MFGE8: variants seen among roughly 807,000 people sequenced by gnomAD.
The protein encoded by MFGE8 is milk fat globule EGF and factor V/VIII domain containing, also known as lactadherin.
In MFGE8, 34 loss-of-function variants were observed where a neutral mutation model predicts 42.6. The observed-to-expected ratio is 0.80, with a 90% CI of 0.61 to 1.06. The LOEUF is 1.06. MFGE8 is among the 50% of genes least tolerant of loss of function. MFGE8 has a pLI of 0.00. For missense variants in MFGE8, 510 were observed against 516.9 expected (o/e 0.99, Z 0.13); for synonymous variants, 230 against 214.8 (o/e 1.07, Z -0.62).
At chr15:88,901,892 C>T (rs926275047) in intron 5 of MFGE8, 157 bp from the exon 6 acceptor site, 14 of 722,478 alleles carry the variant, frequency 1.9e-5, no homozygotes, top group Non-Finnish European at 3.4e-5. Flanking sequence ...GCAGGGCCAA[C>T]TGTGCGACCT....
In MFGE8 at chr15:88,905,802, T is replaced by C. The variant is rs747677172; in HGVS notation, c.640A>G (p.Thr214Ala). 15 of 1,614,194 alleles carry C rather than the reference T, an allele frequency of 9.3e-6. No individual in the cohort carries two copies. The highest frequency in any genetic ancestry group is 1.7e-5 in the Admixed American group (1 of 60,032). The change falls in exon 5 of 8, where the codon ACG becomes GCG. Residue 214 changes from threonine to alanine, a missense_variant. Transcript: ENST00000268150. The surrounding 1 kb of genome is among the most constrained non-coding windows in gnomAD (Gnocchi z 6.6). The part of the protein sequence containing the change: ...YVRLYPTSCH[T>A]ACTLRFELLG... ...AGCTCAAAGCGCAGAGTGCAGGCCG[T>C]GTGGCAGCTCGTGGGGTACAATCTC... is the stretch of plus-strand genomic sequence containing the variant.
rs1898503578 is a variant in MFGE8 at position 88,903,005 on chromosome 15, T to TG, written c.686-1271_686-1270insC. ...GTGTGTTGACAATGCCTGCTGATGG[T>TG]ACCATCATCTCCTGATGGTGATGCA... is the stretch of plus-strand genomic sequence containing the variant. On this transcript the variant is annotated intron_variant, in intron 5 of 7. Coordinates refer to ENST00000268150, the MANE Select transcript of MFGE8 (RefSeq NM_005928.4). The surrounding 1 kb of genome is among the most constrained non-coding windows in gnomAD (Gnocchi z 4.9). 1 of 152,236 alleles carries TG rather than the reference T, an allele frequency of 6.6e-6. No homozygotes were observed. The highest frequency in any genetic ancestry group is 1.5e-5 in the Non-Finnish European group (1 of 68,062). 9.4% of individuals were successfully genotyped at this position (152,236 alleles called of 1,614,324 possible). A position where few individuals can be genotyped will look rare whatever the true frequency, so the allele number is the denominator to read the frequency against.
intron 1 of MFGE8, chr15:88,912,715 C>T (rs1009218405): frequency 4.1e-6 from 4 of 985,310 alleles, no homozygotes; most frequent in Admixed American, 6.1e-5. Context: ...CCGGGCCCCA[C>T]TTACGGCCTG....
intron 6 of MFGE8, among the ~76,000 whole-genome samples, chr15:88,901,181 ATT>A (rs1384029206): frequency 8.9e-5 from 11 of 124,168 alleles, no homozygotes; most frequent in South Asian, 2.5e-4. Flanking sequence ...ATTCTCACAC[ATT>A]CACACACACA....
At position 88,907,270 on chromosome 15, in the gene MFGE8, C is replaced by G. The variant is rs1898731962; in HGVS notation, c.312G>C (p.Glu104Asp). 2 of 1,614,186 alleles carry G rather than the reference C, an allele frequency of 1.2e-6. No individual in the cohort carries two copies. Among genetic ancestry groups the G allele is most frequent in the East Asian group, 4.5e-5 (2 of 44,874 alleles). ...TGCCTGCGCGGTTCAGGCGGGCCAGCTCCGGGACCCAATGCTGCAAACCCA... is the reference window on the plus strand; with the variant it reads ...TGCCTGCGCGGTTCAGGCGGGCCAGGTCCGGGACCCAATGCTGCAAACCCA... ...TFLGLQHWVP[E>D]LARLNRAGMV... Residue 104 changes from glutamate to aspartate, a missense_variant, in exon 3 of 8, where the codon GAG becomes GAC. By Grantham distance (45) the Glu-to-Asp change is conservative (BLOSUM62 2). Transcript: ENST00000268150.
In MFGE8 at chr15:88,905,647, C is replaced by T; in HGVS notation, c.685+110G>A. On this transcript the variant is annotated intron_variant, in intron 5 of 7. Transcript: ENST00000268150. This position sits in a 1 kb window ranked among gnomAD's most constrained non-coding sequence, Gnocchi z 6.6. ...GCCCGAGTGAAGCCTGGTCCCCGTG[C>T]CTTGTTGCTGCCCTACCTAGCTCAG... 6.8e-7 allele frequency: 1 copy of T among 1,475,424 alleles called. No homozygotes were observed. The highest frequency in any genetic ancestry group is 1.8e-4 in the Middle Eastern group (1 of 5,524). 91.4% of individuals were successfully genotyped at this position (1,475,424 alleles called of 1,614,324 possible). A position where few individuals can be genotyped will look rare whatever the true frequency, so the allele number is the denominator to read the frequency against.
rs1169718962 is a variant in MFGE8 at position 88,905,134 on chromosome 15, A to G, written c.685+623T>C. On this transcript the variant is annotated intron_variant, in intron 5 of 7. Coordinates refer to ENST00000268150, the MANE Select transcript of MFGE8 (RefSeq NM_005928.4). This position sits in a 1 kb window ranked among gnomAD's most constrained non-coding sequence, Gnocchi z 6.6. ...CTCTTTGGAAAAGGCAGCAGGAAGC[A>G]CCAGCTCCAAGCCCTGTGGTCCAAG... Among the ~76,000 whole-genome samples, 1 of 152,184 alleles carries G rather than the reference A, an allele frequency of 6.6e-6. No individual in the cohort carries two copies. Among genetic ancestry groups the G allele is most frequent in the African/African-American group, 2.4e-5 (1 of 41,444 alleles).
At position 88,913,261 on chromosome 15, in the gene MFGE8, A is replaced by T; in HGVS notation, c.59T>A (p.Leu20His). ...LCGALLCAPS[L>H]LVALDICSKN... The stretch of plus-strand genomic sequence containing the variant: ...GATCCACTCACCCAGGGCGACGAGG[A>T]GGCTGGGGGCGCAGAGCAGCGCGCC... Residue 20 changes from leucine to histidine, a missense_variant, in exon 1 of 8, where the codon CTC (leucine) becomes CAC (histidine). Transcript: ENST00000268150. 1 of 1,505,128 alleles carries T rather than the reference A, an allele frequency of 6.6e-7. No homozygotes were observed. Among genetic ancestry groups the T allele is most frequent in the Non-Finnish European group, 8.8e-7 (1 of 1,134,888 alleles). 93.2% of individuals were successfully genotyped at this position (1,505,128 alleles called of 1,614,324 possible). A position where few individuals can be genotyped will look rare whatever the true frequency, so the allele number is the denominator to read the frequency against.
In MFGE8 at chr15:88,901,239, A is replaced by G. The variant is rs1244229826; in HGVS notation, c.870+312T>C. Among the ~76,000 whole-genome samples the G allele has an allele frequency of 1.8e-4, 19 of 102,860 alleles. 2 individuals are homozygous for G. The highest frequency in any genetic ancestry group is 3.0e-4 in the Admixed American group (3 of 10,140). The allele number at this position is 102,860 out of a possible 152,430, so 67.5% of individuals were successfully genotyped here. ...CATTCACACATACACATTCACACAC[A>G]CATTCACACGCACGCATTCACACGC... On this transcript the variant is annotated intron_variant, in intron 6 of 7. Coordinates refer to ENST00000268150, the MANE Select transcript of MFGE8 (RefSeq NM_005928.4).
intron 5 of MFGE8, 180 bp from the exon 6 acceptor site, chr15:88,901,915 C>T: frequency 1.5e-6 from 1 of 649,762 alleles, no homozygotes; most frequent in South Asian, 1.7e-5. Context: ...TCACTGCCGA[C>T]CCCACCACCT....
In MFGE8 at chr15:88,901,701, G is replaced by A. The variant is rs1898442322; in HGVS notation, c.720C>T (p.Ser240=). The A allele has an allele frequency of 6.2e-7, 1 of 1,613,794 alleles. No homozygotes were observed. Among genetic ancestry groups the A allele is most frequent in the African/African-American group, 1.3e-5 (1 of 74,844 alleles). The change falls in exon 6 of 8, where the codon AGC becomes AGT. Residue 240 remains serine, a synonymous_variant. Transcript: ENST00000268150. ...AGGCCGTGATCTGCTTGTCAGGGAT[G>A]CTGTTATTCTTCAGGCCCAGGGGAT... ...CANPLGLKNN[S]IPDKQITASS...
chr15:88,906,073 C>A lies in MFGE8; in HGVS notation c.541-172G>T. Reference sequence around the variant, plus strand: ...ACAGCAGCCTCTCCTTTGGCCACCCCACGGCCCTCCACAAAGATTCTCCTC... The same window carrying A: ...ACAGCAGCCTCTCCTTTGGCCACCCAACGGCCCTCCACAAAGATTCTCCTC... On this transcript the variant is annotated intron_variant, in intron 4 of 7. Transcript: ENST00000268150. The surrounding 1 kb of genome is among the most constrained non-coding windows in gnomAD (Gnocchi z 4.2). The A allele has an allele frequency of 2.9e-6, 2 of 691,276 alleles. No individual in the cohort carries two copies. Among genetic ancestry groups the A allele is most frequent in the Non-Finnish European group, 5.0e-6 (2 of 400,764 alleles). 42.8% of individuals were successfully genotyped at this position (691,276 alleles called of 1,614,324 possible). A position where few individuals can be genotyped will look rare whatever the true frequency, so the allele number is the denominator to read the frequency against.
In MFGE8 at chr15:88,913,370, G is replaced by A; in HGVS notation, c.-51C>T. The A allele has an allele frequency of 1.5e-6, 2 of 1,311,884 alleles. No individual in the cohort carries two copies. Among genetic ancestry groups the A allele is most frequent in the Non-Finnish European group, 2.0e-6 (2 of 1,017,162 alleles). The allele number at this position is 1,311,884 out of a possible 1,614,324, so 81.3% of individuals were successfully genotyped here. ...GGGCACGCTGGGCTGCTCAGACCCCGCGGGGTTCTGGCGCCTTCTCCTCTG... is the reference window on the plus strand; with the variant it reads ...GGGCACGCTGGGCTGCTCAGACCCCACGGGGTTCTGGCGCCTTCTCCTCTG... On this transcript the variant is annotated 5_prime_UTR_variant, in exon 1 of 8. Coordinates refer to ENST00000268150, the MANE Select transcript of MFGE8 (RefSeq NM_005928.4).
chr15:88,906,036 G>T lies in MFGE8; in HGVS notation c.541-135C>A. The T allele has an allele frequency of 9.6e-7, 1 of 1,044,210 alleles. No individual in the cohort carries two copies. The highest frequency in any genetic ancestry group is 1.5e-6 in the Non-Finnish European group (1 of 688,082). The allele number at this position is 1,044,210 out of a possible 1,614,324, so 64.7% of individuals were successfully genotyped here. On this transcript the variant is annotated intron_variant, in intron 4 of 7. Transcript: ENST00000268150. This position sits in a 1 kb window ranked among gnomAD's most constrained non-coding sequence, Gnocchi z 4.2. ...GGGTGAAGAGGACTTGGAAGAGCCA[G>T]CAGAGGCTCACACAGCAGCCTCTCC...
At chr15:88,901,783 AG>A (rs771459478) in intron 5 of MFGE8, 48 bp from the exon 6 acceptor site, 1 of 1,574,648 alleles carries the variant, frequency 6.4e-7, no homozygotes, top group South Asian at 1.1e-5. Context: ...CACAGCTCCC[AG>A]GGGCAGGAGC....
chr15:88,912,502 C>T (rs1052291995), intron 1 of MFGE8: 57 of 985,304 alleles, frequency 5.8e-5, no homozygotes, highest in African/African-American at 1.0e-4. Flanking sequence ...CTGACTCCCT[C>T]CCAGCGCTCC....
chr15:88,910,894 G>A (rs1596204472), intron 1 of MFGE8: 2 of 152,154 alleles, frequency 1.3e-5, no homozygotes, highest in South Asian at 2.1e-4. Context: ...TCCACCAGGG[G>A]GGAGAAAAAA....
chr15:88,908,868 C>G (rs1898821960), intron 2 of MFGE8, among the ~76,000 whole-genome samples: 2 of 152,202 alleles, frequency 1.3e-5, no homozygotes, highest in South Asian at 4.1e-4. Context: ...TCCCAGGGCC[C>G]CTGCTGCCAC....
In MFGE8 at chr15:88,902,032, C is replaced by T. The variant is rs1898460251; in HGVS notation, c.686-297G>A. The T allele has an allele frequency of 9.4e-6, 4 of 426,530 alleles. No individual in the cohort carries two copies. The highest frequency in any genetic ancestry group is 2.0e-5 in the African/African-American group (1 of 49,384). The allele number at this position is 426,530 out of a possible 1,614,324, so 26.4% of individuals were successfully genotyped here. On this transcript the variant is annotated intron_variant, in intron 5 of 7. Coordinates refer to ENST00000268150, the MANE Select transcript of MFGE8 (RefSeq NM_005928.4). This position sits in a 1 kb window ranked among gnomAD's most constrained non-coding sequence, Gnocchi z 4.3. Reference sequence around the variant, plus strand: ...AAGGCCCCTGCTCCACCACCTCCTGCCCTCCTTCAATGCCTGACTTTGGAG... The same window carrying T: ...AAGGCCCCTGCTCCACCACCTCCTGTCCTCCTTCAATGCCTGACTTTGGAG...
Sources: allele counts gnomAD v4.1 joint callset (sites outside exome capture counted in the v4.1 genomes callset), GRCh38; gene constraint gnomAD v4.1.1; non-coding constraint Gnocchi (gnomAD v3.1); transcripts MANE v1.5; gene names NCBI Gene and HGNC (gene_info 2026-07-23, HGNC 2026-07-21).